Variants in ARMH1 observed in about 807,000 individuals in gnomAD.
The protein encoded by ARMH1 is armadillo-like helical domain containing protein 1.
ARMH1 carries 34 observed loss-of-function variants against 50.2 expected under a neutral mutation model. The observed-to-expected ratio is 0.68, with a 90% CI of 0.51 to 0.90. ARMH1 has a LOEUF of 0.90. Among genes scored for constraint, ARMH1 ranks in the 40% least tolerant of loss-of-function variants. The pLI is 0.00. For missense variants in ARMH1, 538 were observed against 553.9 expected, an observed-to-expected ratio of 0.97 and a Z score of 0.29; for synonymous variants, 221 against 224.2, an observed-to-expected ratio of 0.99 and a Z score of 0.13.
chr1:44,714,293 G>A (rs1311182035), intron 6 of ARMH1, among the ~76,000 whole-genome samples: 3 of 145,904 alleles, frequency 2.1e-5, no homozygotes, highest in Middle Eastern at 7.3e-3. Flanking sequence ...AAAAAAAAAA[G>A]AGGGAGCAGG....
intron 2 of ARMH1, among the ~76,000 whole-genome samples, chr1:44,693,673 C>T (rs986102187): frequency 6.6e-5 from 10 of 152,184 alleles, no homozygotes; most frequent in African/African-American, 2.4e-4. Context: ...CCAGGCTCAT[C>T]TCAAACTCCT....
chr1:44,689,648 A>G, intron 1 of ARMH1, 28 bp from the exon 2 acceptor site: 2 of 1,493,120 alleles, frequency 1.3e-6, no homozygotes, highest in Non-Finnish European at 9.1e-7. Flanking sequence ...ACATTCCGGT[A>G]ACCTGTCTCT....
chr1:44,690,318 A>G lies in ARMH1; in HGVS notation c.206+415A>G, dbSNP rs186115673. Among the ~76,000 whole-genome samples the G allele has an allele frequency of 1.2e-4, 19 of 152,052 alleles. No individual in the cohort carries two copies. The East Asian group carries it at 3.1e-3, about 25-fold the overall frequency. Reference sequence around the variant, plus strand: ...TTGATTCTGATATTTTAGAACAGACATCTGGTGTTTAAAAAAAAGTGATAA... The same window carrying G: ...TTGATTCTGATATTTTAGAACAGACGTCTGGTGTTTAAAAAAAAGTGATAA... On this transcript the variant is annotated intron_variant, in intron 2 of 11. Coordinates refer to ENST00000535358, the MANE Select transcript of ARMH1 (RefSeq NM_001145636.2).
Position 44,724,651 on chromosome 1 carries a change from G to A in ARMH1, c.1033G>A (p.Ala345Thr), listed in dbSNP as rs1480061796. 1.3e-6 allele frequency: 2 copies of A among 1,500,870 alleles called. No individual in the cohort carries two copies. The highest frequency in any genetic ancestry group is 2.5e-5 in the South Asian group (2 of 80,264). 93.0% of individuals were successfully genotyped at this position (1,500,870 alleles called of 1,614,324 possible). Residue 345 changes from alanine to threonine, a missense_variant, in exon 9 of 12, where the codon GCC becomes ACC. Ala to Thr is a moderately conservative substitution (Grantham distance 58). Coordinates refer to ENST00000535358, the MANE Select transcript of ARMH1 (RefSeq NM_001145636.2). This position sits in a 1 kb window ranked among gnomAD's most constrained non-coding sequence, Gnocchi z 6.4. ...NTDHSNSQRLASLTLECFVQM... is the reference protein window; with the variant it reads ...NTDHSNSQRLTSLTLECFVQM... ...GGACCACAGCAACAGCCAGCGGCTG[G>A]CCAGCCTCACGCTGGAGGTGCGCGC...
At chr1:44,708,751 A>G (rs1646454100) in intron 6 of ARMH1, among the ~76,000 whole-genome samples, 1 of 152,032 alleles carries the variant, frequency 6.6e-6, no homozygotes, top group Non-Finnish European at 1.5e-5. Flanking sequence ...ACCTTCCCCC[A>G]CCAACCTGCC....
intron 6 of ARMH1, chr1:44,721,830 T>G (rs137942427): frequency 1.3e-5 from 2 of 152,068 alleles, no homozygotes; most frequent in Admixed American, 1.3e-4. Flanking sequence ...CATAAACTCA[T>G]AGTTGTTTTT....
At chr1:44,709,488 C>T (rs371103492) in intron 6 of ARMH1, among the ~76,000 whole-genome samples, 194 of 152,194 alleles carry the variant, frequency 1.3e-3, no homozygotes, top group East Asian at 4.1e-3. Flanking sequence ...CTGGCTAACA[C>T]GGTGAAACCC....
At chr1:44,705,320 G>T (rs1038472306) in intron 6 of ARMH1, among the ~76,000 whole-genome samples, 78 of 151,996 alleles carry the variant, frequency 5.1e-4, no homozygotes, top group Middle Eastern at 6.8e-3. Context: ...GCAAAACCCC[G>T]TCTCTACTAA....
At position 44,697,160 on chromosome 1, in the gene ARMH1, G is replaced by T; in HGVS notation, c.265G>T (p.Ala89Ser). 1 of 1,551,772 alleles carries T rather than the reference G, an allele frequency of 6.4e-7. No homozygotes were observed. Among genetic ancestry groups the T allele is most frequent in the Non-Finnish European group, 8.7e-7 (1 of 1,146,648 alleles). ...LLRSIGIFLS[A>S]VSSNRYLIEF... ...CAGGTCCATTGGCATCTTCTTATCA[G>T]CTGTAAGCAGGTGAGTTCTGTTCTA... Residue 89 changes from alanine to serine, a missense_variant, in exon 3 of 12, where the codon GCT (alanine) becomes TCT (serine). Coordinates refer to ENST00000535358, the MANE Select transcript of ARMH1 (RefSeq NM_001145636.2).
intron 4 of ARMH1, among the ~76,000 whole-genome samples, chr1:44,699,608 C>T (rs1313559791): frequency 6.6e-6 from 1 of 151,886 alleles, no homozygotes; most frequent in African/African-American, 2.4e-5. Flanking sequence ...CGCCACCATG[C>T]CTGGCTAATT....
Position 44,704,107 on chromosome 1 carries a change from C to T in ARMH1, c.658C>T (p.His220Tyr). The change falls in exon 6 of 12, where the codon CAC (histidine) becomes TAC (tyrosine). Residue 220 changes from histidine (H) to tyrosine (Y), a missense_variant. Transcript: ENST00000535358. ...TGGTCAGCCAATCATTGGGACCACA[C>T]ACCCCAGCATCGTGGACTGCGTGCT... ...RTAQPIIGTTHPSIVDCVLKV... is the reference protein window; with the variant it reads ...RTAQPIIGTTYPSIVDCVLKV... 6.4e-7 allele frequency: 1 copy of T among 1,550,808 alleles called. No individual in the cohort carries two copies. The highest frequency in any genetic ancestry group is 8.7e-7 in the Non-Finnish European group (1 of 1,146,604).
intron 3 of ARMH1, 75 bp downstream of exon 3, chr1:44,697,245 AC>A: frequency 8.7e-7 from 1 of 1,150,006 alleles, no homozygotes; most frequent in Non-Finnish European, 1.3e-6. Context: ...CATTCACACC[AC>A]CCAGGGCCAC....
At chr1:44,713,277 T>A (rs1646700439) in intron 6 of ARMH1, among the ~76,000 whole-genome samples, 1 of 151,870 alleles carries the variant, frequency 6.6e-6, no homozygotes, top group Non-Finnish European at 1.5e-5. Context: ...TTTCATATTT[T>A]TAGCGGGGAT....
At chr1:44,690,730 G>A (rs1418754291) in intron 2 of ARMH1, among the ~76,000 whole-genome samples, 2 of 152,002 alleles carry the variant, frequency 1.3e-5, no homozygotes, top group Non-Finnish European at 2.9e-5. Flanking sequence ...CCAGGCTGGG[G>A]TGCAATGGCA....
intron 6 of ARMH1, among the ~76,000 whole-genome samples, chr1:44,713,692 G>A (rs1646719105): frequency 6.6e-6 from 1 of 152,106 alleles, no homozygotes; most frequent in Non-Finnish European, 1.5e-5. Context: ...CCATTTGCCT[G>A]CCCCTCAAAA....
intron 6 of ARMH1, among the ~76,000 whole-genome samples, chr1:44,711,126 T>C (rs1358498409): frequency 6.6e-6 from 1 of 152,248 alleles, no homozygotes; most frequent in African/African-American, 2.4e-5. Context: ...TTTCCAGCCT[T>C]TGGCTCTTGT....
At position 44,725,312 on chromosome 1, in the gene ARMH1, C is replaced by T. The variant is rs1396065208; in HGVS notation, c.1232C>T (p.Ser411Phe). 1 of 1,551,838 alleles carries T rather than the reference C, an allele frequency of 6.4e-7. No homozygotes were observed. Among genetic ancestry groups the T allele is most frequent in the Non-Finnish European group, 8.7e-7 (1 of 1,147,026 alleles). ...GCAGCCCTGTGCCTCCATGGCAGCT[C>T]CTACAGCATGAACACTCTCTATGGC... ...VTKALCLHGS[S>F]YSMNTLYGSR... The change falls in exon 12 of 12, where the codon TCC becomes TTC. Residue 411 changes from serine to phenylalanine, a missense_variant. Physicochemically the swap from Ser to Phe is radical, Grantham distance 155. Transcript: ENST00000535358.
At chr1:44,713,998 C>T (rs965880772) in intron 6 of ARMH1, among the ~76,000 whole-genome samples, 2 of 152,132 alleles carry the variant, frequency 1.3e-5, no homozygotes, top group African/African-American at 2.4e-5. Context: ...TAGCAGGGGG[C>T]CTGACGCAGT....
chr1:44,709,490 G>A (rs1475227542), intron 6 of ARMH1, among the ~76,000 whole-genome samples: 1 of 152,104 alleles, frequency 6.6e-6, no homozygotes, highest in African/African-American at 2.4e-5. Context: ...GGCTAACACG[G>A]TGAAACCCCA....
Sources: gnomAD v4.1 joint callset for allele counts (sites outside exome capture counted in the v4.1 genomes callset) on GRCh38, gnomAD v4.1.1 for gene constraint, Gnocchi (gnomAD v3.1) non-coding constraint, MANE v1.5 for transcripts, NCBI Gene and HGNC (gene_info 2026-07-23, HGNC 2026-07-21) for gene names.